The following ANXA4 variants were observed in gnomAD, a reference collection of about 807,000 sequenced individuals.
ANXA4 encodes the protein 35-beta calcimedin.
In ANXA4, 39 loss-of-function variants were observed where a neutral mutation model predicts 49.8. The observed-to-expected ratio is 0.78, with a 90% confidence interval of 0.61 to 1.02. The LOEUF (loss-of-function observed/expected upper bound fraction) is 1.02, where lower values mean the gene tolerates loss of function less well. Ranked by LOEUF, ANXA4 falls within the 50% of genes least tolerant of loss-of-function variation. The probability of loss-of-function intolerance (pLI) is 0.00; values close to 1 mark genes in which losing one functional copy is unlikely to be tolerated. For missense variants in ANXA4, 360 were observed against 410.1 expected (o/e 0.88, Z 1.05); for synonymous variants, 134 against 152.5 (o/e 0.88, Z 0.89).
rs1013009467 is a variant in ANXA4 at position 69,820,559 on chromosome 2, G to A, written c.784-140G>A. ...CTTGAATACCATGATAAAGAGTGAGGATATTCCTCAGGCCTGCCAAGTAGT... is the reference window on the plus strand; with the variant it reads ...CTTGAATACCATGATAAAGAGTGAGAATATTCCTCAGGCCTGCCAAGTAGT... On this transcript the variant is annotated intron_variant, in intron 11 of 12. Transcript: ENST00000394295. The A allele has an allele frequency of 5.5e-6, 5 of 911,130 alleles. No homozygotes were observed. In the African/African-American group the frequency reaches 8.4e-5, roughly 15 times the overall value. 56.4% of individuals were successfully genotyped at this position (911,130 alleles called of 1,614,324 possible).
chr2:69,796,708 TGGAGATGGTGAAGCTGG>T (rs1672958508), intron 3 of ANXA4, among the ~76,000 whole-genome samples: 1 of 152,158 alleles, frequency 6.6e-6, no homozygotes, highest in East Asian at 1.9e-4. Context: ...TGGGGAGCTT[TGGAGATGGTGAAGCTGG>T]AGAAGCTGAT....
chr2:69,683,308 C>A lies in ANXA4; in HGVS notation n.766+30026C>A, dbSNP rs574956364. ...ATAACTCTGGATGATGTCATACAAACCTCTTCCTGCATCTGGGACTCTTTC... is the reference window on the plus strand; with the variant it reads ...ATAACTCTGGATGATGTCATACAAAACTCTTCCTGCATCTGGGACTCTTTC... On this transcript the variant is annotated intron_variant and non_coding_transcript_variant, in intron 2 of 3. Transcript: ENST00000418066. 3.3e-5 allele frequency among the ~76,000 whole-genome samples: 5 copies of A among 152,270 alleles called. No individual in the cohort carries two copies. The East Asian group carries it at 9.6e-4, about 29-fold the overall frequency.
At chr2:69,740,008 T>C (rs1410460481), upstream of ANXA4, among the ~76,000 whole-genome samples, 8 of 152,118 alleles carry the variant, frequency 5.3e-5, no homozygotes. Context: ...TCCTGGCCTT[T>C]TATAAGCTAA....
intron 2 of ANXA4, among the ~76,000 whole-genome samples, chr2:69,679,081 A>G (rs1677506728): frequency 6.6e-6 from 1 of 152,098 alleles, no homozygotes; most frequent in Non-Finnish European, 1.5e-5. Context: ...ATTGATACAC[A>G]TTACATATTT....
At chr2:69,784,140 C>T (rs1230732682) in intron 2 of ANXA4, among the ~76,000 whole-genome samples, 2 of 152,186 alleles carry the variant, frequency 1.3e-5, no homozygotes, top group Non-Finnish European at 2.9e-5. Context: ...ACAATGGGCC[C>T]TCTTGGGACA....
At chr2:69,780,235 C>T (rs966437339) in intron 1 of ANXA4, among the ~76,000 whole-genome samples, 5 of 152,136 alleles carry the variant, frequency 3.3e-5, no homozygotes, top group Non-Finnish European at 7.4e-5. Flanking sequence ...CACTCTGTCA[C>T]CCAGACTGGA....
At chr2:69,741,679 G>A (rs1286239107), upstream of ANXA4, among the ~76,000 whole-genome samples, 1 of 152,256 alleles carries the variant, frequency 6.6e-6, no homozygotes, top group Non-Finnish European at 1.5e-5. Flanking sequence ...GTGGGGGGAA[G>A]CGCGGATTTG....
intron 3 of ANXA4, among the ~76,000 whole-genome samples, chr2:69,798,325 A>G (rs1840340): frequency 0.34 from 51,314 of 152,110 alleles, 9,851 homozygotes; most frequent in African/African-American, 0.49. Context: ...TTCCTGGGCT[A>G]TAAAAATTCC....
intron 2 of ANXA4, among the ~76,000 whole-genome samples, chr2:69,676,669 C>T (rs576129818): frequency 6.6e-6 from 1 of 152,254 alleles, no homozygotes; most frequent in East Asian, 1.9e-4. Flanking sequence ...CCAAGGCTGG[C>T]GGATCATGAG....
chr2:69,818,658 A>T lies in ANXA4; in HGVS notation c.688A>T (p.Thr230Ser). 1 of 1,610,398 alleles carries T rather than the reference A, an allele frequency of 6.2e-7. No homozygotes were observed. The highest frequency in any genetic ancestry group is 8.5e-7 in the Non-Finnish European group (1 of 1,177,950). ...KDIEQSIKSE[T>S]SGSFEDALLA... ...TATTGAACAGAGTATTAAATCTGAA[A>T]CATCTGGTAGCTTTGAAGATGCTCT... The change falls in exon 10 of 13, where the codon ACA (threonine) becomes TCA (serine). Residue 230 changes from threonine to serine, a missense_variant. Physicochemically the swap from Thr to Ser is moderately conservative, Grantham distance 58. Coordinates refer to ENST00000394295, the MANE Select transcript of ANXA4 (RefSeq NM_001153.5).
At position 69,725,150 on chromosome 2, in the gene ANXA4, G is replaced by T. The variant is rs142540217; in HGVS notation, n.864+4279G>T. ...CATCCACCTGAGAAATGCCAGGAGG[G>T]CTTACTGATAACATAATGGATGTCA... On this transcript the variant is annotated intron_variant and non_coding_transcript_variant, in intron 3 of 3. Coordinates refer to the ANXA4 transcript ENST00000418066. Among the ~76,000 whole-genome samples, 1,512 of 152,212 alleles carry T rather than the reference G, an allele frequency of 9.9e-3. 23 individuals are homozygous for T. The highest frequency in any genetic ancestry group is 0.033 in the African/African-American group (1,364 of 41,528).
chr2:69,705,863 T>C (rs1678478003), intron 2 of ANXA4, among the ~76,000 whole-genome samples: 2 of 151,994 alleles, frequency 1.3e-5, no homozygotes, highest in African/African-American at 4.8e-5. Flanking sequence ...ATCCAGGAGG[T>C]GGAGGTTGCA....
chr2:69,698,940 A>T (rs1177797303), intron 2 of ANXA4, among the ~76,000 whole-genome samples: 1 of 152,226 alleles, frequency 6.6e-6, no homozygotes, highest in Non-Finnish European at 1.5e-5. Context: ...AATCAAAAGG[A>T]TATAAGAGGA....
At chr2:69,701,003 G>A (rs535093952) in intron 2 of ANXA4, among the ~76,000 whole-genome samples, 54 of 152,200 alleles carry the variant, frequency 3.5e-4, no homozygotes, top group African/African-American at 1.3e-3. Flanking sequence ...CTCCTGAGTA[G>A]CTGGGATTAC....
In ANXA4 at chr2:69,807,935, T is replaced by C. The variant is rs958078573; in HGVS notation, c.336T>C (p.Ile112=). ...CCGGCACTGATGAGGGCTGCCTAAT[T>C]GAGATCCTGGCCTCCCGGACCCCTG... ...KGAGTDEGCL[I]EILASRTPEE... The change falls in exon 6 of 13, where the codon ATT becomes ATC. Residue 112 remains isoleucine (I), a synonymous_variant. Coordinates refer to ENST00000394295, the MANE Select transcript of ANXA4 (RefSeq NM_001153.5). 2.0e-5 allele frequency: 33 copies of C among 1,614,122 alleles called. No homozygotes were observed. The highest frequency in any genetic ancestry group is 2.7e-5 in the Non-Finnish European group (32 of 1,179,996).
chr2:69,824,703 A>C (rs1306230097), intron 12 of ANXA4, among the ~76,000 whole-genome samples: 1 of 152,182 alleles, frequency 6.6e-6, no homozygotes, highest in Non-Finnish European at 1.5e-5. Flanking sequence ...GTGATCAAAT[A>C]AATTATTTTA....
chr2:69,787,712 C>G (rs923279980), intron 2 of ANXA4, among the ~76,000 whole-genome samples: 3 of 152,256 alleles, frequency 2.0e-5, no homozygotes, highest in Admixed American at 6.5e-5. Flanking sequence ...ACCCTTGCCT[C>G]CATCTTTGCA....
chr2:69,738,888 G>T (rs1334131206), upstream of ANXA4, among the ~76,000 whole-genome samples: 2 of 152,186 alleles, frequency 1.3e-5, no homozygotes, highest in African/African-American at 4.8e-5. Context: ...TGGAATAGAA[G>T]AATTGCTCAG....
intron 7 of ANXA4, chr2:69,810,972 A>T (rs1366932186): frequency 2.9e-6 from 1 of 350,410 alleles, no homozygotes; most frequent in Non-Finnish European, 5.4e-6. Flanking sequence ...TTAAGAGTAT[A>T]TATTGTCATA....
Sources: gnomAD v4.1 joint callset for allele counts (sites outside exome capture counted in the v4.1 genomes callset) on GRCh38, gnomAD v4.1.1 for gene constraint, MANE v1.5 for transcripts, NCBI Gene and HGNC (gene_info 2026-07-23, HGNC 2026-07-21) for gene names.